PPM1K: variants seen among roughly 807,000 people sequenced by gnomAD.
The protein encoded by PPM1K is protein phosphatase, Mg2+/Mn2+ dependent 1K.
In PPM1K, 19 loss-of-function variants were observed where a neutral mutation model predicts 32.6. The ratio of observed to expected loss-of-function variants is 0.58; its 90% CI spans 0.41 to 0.86. The LOEUF is 0.86. PPM1K is among the 40% of genes least tolerant of loss of function. The pLI, the probability that PPM1K is intolerant of heterozygous loss-of-function variation, is 0.00. For missense variants in PPM1K, 362 were observed against 461.2 expected (o/e 0.78, Z 1.97); for synonymous variants, 159 against 165.3 (o/e 0.96, Z 0.29).
chr4:88,264,192 T>C (rs1022541371), intron 6 of PPM1K, among the ~76,000 whole-genome samples: 1 of 152,236 alleles, frequency 6.6e-6, no homozygotes, highest in East Asian at 1.9e-4. Context: ...TATAATCATG[T>C]TTGCCCATCT....
At chr4:88,277,960 C>A (rs1731848586) in intron 2 of PPM1K, 184 bp downstream of exon 2, 2 of 611,534 alleles carry the variant, frequency 3.3e-6, no homozygotes, top group Non-Finnish European at 5.7e-6. Context: ...TTAAAACATG[C>A]ATTTCTGAAA....
chr4:88,283,461 C>G (rs774161733), intron 1 of PPM1K, among the ~76,000 whole-genome samples: 2 of 151,974 alleles, frequency 1.3e-5, no homozygotes, highest in African/African-American at 2.4e-5. Context: ...CATTCTGAAA[C>G]CGAAGGACAG....
chr4:88,272,473 C>A (rs565241713), intron 3 of PPM1K, among the ~76,000 whole-genome samples: 1 of 152,232 alleles, frequency 6.6e-6, no homozygotes, highest in Non-Finnish European at 1.5e-5. Flanking sequence ...AAAGTTTAAG[C>A]AATCTGGAAA....
intron 3 of PPM1K, chr4:88,276,261 T>G: frequency 1.0e-6 from 1 of 985,424 alleles, no homozygotes; most frequent in Non-Finnish European, 1.2e-6. Context: ...ATTTCTGTGG[T>G]GCACTTGGTT....
chr4:88,281,764 A>C (rs184080599), intron 1 of PPM1K, among the ~76,000 whole-genome samples: 27 of 152,326 alleles, frequency 1.8e-4, no homozygotes, highest in African/African-American at 6.5e-4. Context: ...CCTAAGAAAC[A>C]ATTCAAAGGC....
chr4:88,274,048 T>C (rs1299212510), intron 3 of PPM1K, among the ~76,000 whole-genome samples: 1 of 152,240 alleles, frequency 6.6e-6, no homozygotes, highest in African/African-American at 2.4e-5. Context: ...AGAGCTTTTC[T>C]CTTTCTTTCA....
Position 88,262,404 on chromosome 4 carries a change from A to G in PPM1K, c.*191T>C, listed in dbSNP as rs1731151672. 1 of 533,776 alleles carries G rather than the reference A, an allele frequency of 1.9e-6. No individual in the cohort carries two copies. The highest frequency in any genetic ancestry group is 3.2e-6 in the Non-Finnish European group (1 of 312,808). 33.1% of individuals were successfully genotyped at this position (533,776 alleles called of 1,614,324 possible). A position where few individuals can be genotyped will look rare whatever the true frequency, so the allele number is the denominator to read the frequency against. On this transcript the variant is annotated 3_prime_UTR_variant, in exon 7 of 7. Transcript: ENST00000608933. The stretch of plus-strand genomic sequence containing the variant: ...TAAAGACTCACAGTAGCTTCACTAC[A>G]CATATATTTATACTGAACATGTACA...
Position 88,258,275 on chromosome 4 carries a change from T to C in PPM1K, c.*4320A>G, listed in dbSNP as rs1730979473. The stretch of plus-strand genomic sequence containing the variant: ...GAAAGAAACTAAATGTCCTGTTTGA[T>C]ATTGATGAGTAGGCCTACTCATTCT... On this transcript the variant is annotated 3_prime_UTR_variant, in exon 7 of 7. Coordinates refer to ENST00000608933, the MANE Select transcript of PPM1K (RefSeq NM_152542.5). The C allele has an allele frequency of 6.6e-6, 1 of 152,096 alleles. No homozygotes were observed. The highest frequency in any genetic ancestry group is 2.1e-4 in the South Asian group (1 of 4,826). The allele number at this position is 152,096 out of a possible 1,614,324, so 9.4% of individuals were successfully genotyped here.
At position 88,261,783 on chromosome 4, in the gene PPM1K, A is replaced by G. The variant is rs1475690413; in HGVS notation, c.*812T>C. On this transcript the variant is annotated 3_prime_UTR_variant, in exon 7 of 7. Transcript: ENST00000608933. ...ATGATCTCAGCTCACTGCAACCCCC[A>G]TCTCCTGGGTTCAAGTGATTCCTCT... is the stretch of plus-strand genomic sequence containing the variant. 1.5e-5 allele frequency: 2 copies of G among 137,682 alleles called. No individual in the cohort carries two copies. The highest frequency in any genetic ancestry group is 3.1e-5 in the Non-Finnish European group (2 of 65,172). The allele number at this position is 137,682 out of a possible 1,614,324, so 8.5% of individuals were successfully genotyped here.
chr4:88,266,326 C>T (rs575119161), intron 5 of PPM1K, among the ~76,000 whole-genome samples: 4 of 152,002 alleles, frequency 2.6e-5, no homozygotes, highest in Non-Finnish European at 4.4e-5. Context: ...TAGAGGTGGG[C>T]GATTATTTGG....
chr4:88,282,425 G>A (rs911925230), intron 1 of PPM1K, among the ~76,000 whole-genome samples: 6 of 152,100 alleles, frequency 3.9e-5, no homozygotes, highest in Non-Finnish European at 7.4e-5. Context: ...TTATGAAGTG[G>A]CATTTAGGTA....
chr4:88,268,181 C>T lies in PPM1K; in HGVS notation c.852+9G>A, dbSNP rs1291074480. ...CAGGTTTATCAAGTGTTTGCAGGTC[C>T]TTTCTTACCTTAATCCTCTTAGTTT... is the stretch of plus-strand genomic sequence containing the variant. On this transcript the variant is annotated intron_variant, in intron 5 of 6. Coordinates refer to ENST00000608933, the MANE Select transcript of PPM1K (RefSeq NM_152542.5). The T allele has an allele frequency of 4.3e-6, 7 of 1,613,704 alleles. No homozygotes were observed. The highest frequency in any genetic ancestry group is 5.1e-6 in the Non-Finnish European group (6 of 1,179,820).
At chr4:88,271,166 G>C (rs372386251) in intron 3 of PPM1K, 2 of 515,560 alleles carry the variant, frequency 3.9e-6, no homozygotes, top group Non-Finnish European at 7.7e-6. Context: ...TCCAGGTCTA[G>C]AGCTGCTGAC....
chr4:88,264,905 A>G, intron 6 of PPM1K, 96 bp downstream of exon 6: 1 of 1,293,140 alleles, frequency 7.7e-7, no homozygotes, highest in Non-Finnish European at 1.1e-6. Flanking sequence ...AATCAAGTGT[A>G]AAATTCACTG....
At chr4:88,274,321 T>A (rs1001664349) in intron 3 of PPM1K, among the ~76,000 whole-genome samples, 3 of 152,234 alleles carry the variant, frequency 2.0e-5, no homozygotes, top group African/African-American at 7.2e-5. Context: ...TTTATAATAA[T>A]TTGATTAAAT....
chr4:88,271,924 C>T (rs371380706), intron 3 of PPM1K, among the ~76,000 whole-genome samples: 20 of 152,058 alleles, frequency 1.3e-4, no homozygotes, highest in African/African-American at 4.8e-4. Flanking sequence ...GCTAGCGAGA[C>T]GCATGTTTAT....
chr4:88,280,992 T>C (rs963423379), intron 1 of PPM1K, among the ~76,000 whole-genome samples: 5 of 152,146 alleles, frequency 3.3e-5, no homozygotes, highest in African/African-American at 1.2e-4. Flanking sequence ...TAAAAAAAAT[T>C]TAAAAACCCA....
In PPM1K at chr4:88,262,431, C is replaced by T. The variant is rs558607851; in HGVS notation, c.*164G>A. 41 of 662,390 alleles carry T rather than the reference C, an allele frequency of 6.2e-5. No homozygotes were observed. The highest frequency in any genetic ancestry group is 2.5e-4 in the Admixed American group (8 of 32,646). The allele number at this position is 662,390 out of a possible 1,614,324, so 41.0% of individuals were successfully genotyped here. On this transcript the variant is annotated 3_prime_UTR_variant, in exon 7 of 7. Transcript: ENST00000608933. ...ATATATTTATACTGAACATGTACAGCGGAACATAAATATGATGAGCATTTA... is the reference window on the plus strand; with the variant it reads ...ATATATTTATACTGAACATGTACAGTGGAACATAAATATGATGAGCATTTA...
chr4:88,276,926 C>A, intron 3 of PPM1K: 1 of 731,682 alleles, frequency 1.4e-6, no homozygotes, highest in Non-Finnish European at 1.9e-6. Context: ...CTGAAAAATT[C>A]TCCAATATAT....
Sources: allele counts gnomAD v4.1 joint callset (sites outside exome capture counted in the v4.1 genomes callset), GRCh38; gene constraint gnomAD v4.1.1; transcripts MANE v1.5; gene names NCBI Gene and HGNC (gene_info 2026-07-23, HGNC 2026-07-21).